The following CTNNA3 variants were observed in gnomAD, a reference collection of about 807,000 sequenced individuals.
The protein encoded by CTNNA3 is catenin alpha 3.
A neutral mutation model predicts 95.7 loss-of-function variants in CTNNA3; 76 were observed. That is an observed-to-expected ratio of 0.79 (90% CI 0.66 to 0.96). CTNNA3 has a LOEUF of 0.96. CTNNA3 is among the 40% of genes least tolerant of loss of function. The probability of loss-of-function intolerance (pLI) is 0.00; values close to 1 mark genes in which losing one functional copy is unlikely to be tolerated. For synonymous variants in CTNNA3, 431 were observed against 374.4 expected (o/e 1.15, Z -1.74); for missense variants, 1,191 against 1,089.8 (o/e 1.09, Z -1.31).
chr10:66,298,432 TTA>T (rs199904326), intron 12 of CTNNA3, among the ~76,000 whole-genome samples: 4 of 152,084 alleles, frequency 2.6e-5, no homozygotes, highest in Non-Finnish European at 5.9e-5. Flanking sequence ...GTAATGTGCA[TTA>T]TATATATATG....
intron 5 of CTNNA3, among the ~76,000 whole-genome samples, chr10:67,239,490 G>A (rs1865634341): frequency 6.6e-6 from 1 of 152,174 alleles, no homozygotes; most frequent in Non-Finnish European, 1.5e-5. Flanking sequence ...TCTTTGGGGG[G>A]TGATTAGAGA....
intron 11 of CTNNA3, among the ~76,000 whole-genome samples, chr10:66,395,215 C>T (rs1276012578): frequency 6.6e-6 from 1 of 151,998 alleles, no homozygotes; most frequent in Non-Finnish European, 1.5e-5. Flanking sequence ...TGCTGAAATT[C>T]ATTTTTCTCT....
At chr10:66,715,298 C>A (rs1296694214) in intron 9 of CTNNA3, among the ~76,000 whole-genome samples, 1 of 152,054 alleles carries the variant, frequency 6.6e-6, no homozygotes, top group Admixed American at 6.6e-5. Flanking sequence ...CACTGCTTAT[C>A]CCACCTCACA....
At chr10:67,036,388 A>G (rs1854056371) in intron 7 of CTNNA3, among the ~76,000 whole-genome samples, 2 of 151,554 alleles carry the variant, frequency 1.3e-5, no homozygotes, top group Admixed American at 6.6e-5. Flanking sequence ...CCTGCCTCAG[A>G]CTCCCAAGTA....
At chr10:67,527,355 A>G (rs1840176356) in intron 4 of CTNNA3, among the ~76,000 whole-genome samples, 1 of 152,238 alleles carries the variant, frequency 6.6e-6, no homozygotes, top group African/African-American at 2.4e-5. Flanking sequence ...AGAAGGGTCA[A>G]GATGATGTTG....
At position 67,147,679 on chromosome 10, in the gene CTNNA3, C is replaced by T. The variant is rs192791660; in HGVS notation, c.1047+32638G>A. ...TCAAATCAAAATAGTACATTTTACA[C>T]TACAATTGTATTTGTCTTCTGTTGT... is the stretch of plus-strand genomic sequence containing the variant. On this transcript the variant is annotated intron_variant, in intron 7 of 17. Coordinates refer to ENST00000433211, the MANE Select transcript of CTNNA3 (RefSeq NM_013266.4). Among the ~76,000 whole-genome samples, 131 of 152,274 alleles carry T rather than the reference C, an allele frequency of 8.6e-4. 2 individuals carry two copies. Among genetic ancestry groups the T allele is most frequent in the African/African-American group, 3.0e-3 (125 of 41,574 alleles).
At chr10:66,813,729 A>T (rs1841970081) in intron 7 of CTNNA3, among the ~76,000 whole-genome samples, 1 of 152,180 alleles carries the variant, frequency 6.6e-6, no homozygotes, top group Non-Finnish European at 1.5e-5. Flanking sequence ...AGAGAGAGTA[A>T]AAGAATTCTA....
intron 11 of CTNNA3, among the ~76,000 whole-genome samples, chr10:66,413,901 A>C (rs2093126728): frequency 6.6e-6 from 1 of 152,202 alleles, no homozygotes; most frequent in Non-Finnish European, 1.5e-5. Context: ...GCCAAAAAAG[A>C]CTTTTAAAAT....
intron 12 of CTNNA3, among the ~76,000 whole-genome samples, chr10:66,329,467 C>A (rs953961990): frequency 6.6e-6 from 1 of 151,818 alleles, no homozygotes; most frequent in Non-Finnish European, 1.5e-5. Flanking sequence ...CTCAAATGAA[C>A]GCATAAAATT....
At chr10:66,435,279 G>T (rs2093329011) in intron 11 of CTNNA3, among the ~76,000 whole-genome samples, 1 of 151,906 alleles carries the variant, frequency 6.6e-6, no homozygotes, top group South Asian at 2.1e-4. Context: ...CTGGTCCTGG[G>T]CTTTTTTTTG....
chr10:66,415,720 T>A (rs1319524820), intron 11 of CTNNA3, among the ~76,000 whole-genome samples: 2 of 152,034 alleles, frequency 1.3e-5, no homozygotes, highest in Non-Finnish European at 2.9e-5. Context: ...ACCAAGGAAG[T>A]CTCAGATATC....
intron 16 of CTNNA3, among the ~76,000 whole-genome samples, chr10:65,983,248 C>T (rs1237304735): frequency 1.3e-5 from 2 of 151,598 alleles, no homozygotes; most frequent in Non-Finnish European, 3.0e-5. Context: ...AGTAATTAGG[C>T]TGCTTAAAGA....
At chr10:66,012,623 C>T (rs903640709) in intron 15 of CTNNA3, among the ~76,000 whole-genome samples, 9 of 152,134 alleles carry the variant, frequency 5.9e-5, no homozygotes, top group African/African-American at 2.2e-4. Context: ...TCACAAATGC[C>T]TTTGACCTAT....
In CTNNA3 at chr10:67,016,491, T is replaced by C. The variant is rs1005565271; in HGVS notation, c.1047+163826A>G. ...AGACTGCCTGGGCTGAAAGACAAAG[T>C]GGTAGAGAATAGAACGAGGTTGTTG... On this transcript the variant is annotated intron_variant, in intron 7 of 17. Transcript: ENST00000433211. Among the ~76,000 whole-genome samples the C allele has an allele frequency of 3.3e-5, 5 of 152,162 alleles. No homozygotes were observed. The East Asian group carries it at 9.6e-4, about 29-fold the overall frequency.
chr10:67,638,397 C>T (rs1408601099), intron 2 of CTNNA3, among the ~76,000 whole-genome samples: 2 of 152,120 alleles, frequency 1.3e-5, no homozygotes, highest in African/African-American at 2.4e-5. Flanking sequence ...TAGACTCCCA[C>T]ACAATAATAA....
At chr10:67,238,143 A>ATTT (rs1865577148) in intron 5 of CTNNA3, among the ~76,000 whole-genome samples, 1 of 152,208 alleles carries the variant, frequency 6.6e-6, no homozygotes, top group African/African-American at 2.4e-5. Context: ...AATCTGCCAA[A>ATTT]TGTAATATAT....
At chr10:66,556,248 T>C (rs1842385599) in intron 10 of CTNNA3, among the ~76,000 whole-genome samples, 1 of 151,982 alleles carries the variant, frequency 6.6e-6, no homozygotes, top group African/African-American at 2.4e-5. Context: ...AAGTGAGCCC[T>C]TCCACACTGT....
At chr10:67,591,547 A>G (rs958789291) in intron 3 of CTNNA3, among the ~76,000 whole-genome samples, 5 of 152,134 alleles carry the variant, frequency 3.3e-5, no homozygotes, top group African/African-American at 1.2e-4. Flanking sequence ...TATAATAAAG[A>G]TTGAAACAGT....
intron 5 of CTNNA3, among the ~76,000 whole-genome samples, chr10:67,372,152 A>C (rs930277622): frequency 2.0e-5 from 3 of 152,008 alleles, no homozygotes; most frequent in Non-Finnish European, 4.4e-5. Context: ...AGTAGATTGC[A>C]AAAATTTTCT....
Sources: allele counts gnomAD v4.1 joint callset (sites outside exome capture counted in the v4.1 genomes callset), GRCh38; gene constraint gnomAD v4.1.1; transcripts MANE v1.5; gene names NCBI Gene and HGNC (gene_info 2026-07-23, HGNC 2026-07-21).